WNK1: variants seen among roughly 807,000 people sequenced by gnomAD.
WNK1 encodes serine/threonine-protein kinase WNK1.
Under a neutral mutation model 222.8 loss-of-function variants are expected in WNK1, and 38 were observed. The observed-to-expected ratio is 0.17, with a 90% CI of 0.13 to 0.22. The LOEUF is 0.22. Among genes scored for constraint, WNK1 ranks in the 10% least tolerant of loss-of-function variants. WNK1 has a pLI of 1.00. For synonymous variants in WNK1, 1,090 were observed against 1,092.9 expected (o/e 1.00, Z 0.05); for missense variants, 2,348 against 2,918.4 (o/e 0.80, Z 4.50).
chr12:779,848 ACT>A (rs1278414608), intron 1 of WNK1, among the ~76,000 whole-genome samples: 1 of 150,908 alleles, frequency 6.6e-6, no homozygotes, highest in Non-Finnish European at 1.5e-5. Flanking sequence ...GATGCGAAGA[ACT>A]CTGTACTTGA....
At chr12:777,804 A>G (rs1438836759) in intron 1 of WNK1, among the ~76,000 whole-genome samples, 1 of 152,132 alleles carries the variant, frequency 6.6e-6, no homozygotes, top group African/African-American at 2.4e-5. Flanking sequence ...CTTACCACAG[A>G]CTCAGGAAAC....
intron 1 of WNK1, among the ~76,000 whole-genome samples, chr12:790,040 T>C (rs1944688967): frequency 6.6e-6 from 1 of 152,160 alleles, no homozygotes; most frequent in Admixed American, 6.6e-5. Context: ...TTGCTTTTCC[T>C]CTAGTACAAG....
Position 849,174 on chromosome 12 carries a change from A to G in WNK1, c.1312-7987A>G, listed in dbSNP as rs931847634. Among the ~76,000 whole-genome samples, 3 of 152,194 alleles carry G rather than the reference A, an allele frequency of 2.0e-5. No individual in the cohort carries two copies. In the South Asian group the frequency reaches 6.2e-4, roughly 32 times the overall value. On this transcript the variant is annotated intron_variant, in intron 4 of 27. Coordinates refer to ENST00000315939, the MANE Select transcript of WNK1 (RefSeq NM_018979.4). Reference sequence around the variant, plus strand: ...AACAAATTGTGTTGAGCCAGAGATTAGTGGTAGTTGCTTTGAGATAGCTTG... The same window carrying G: ...AACAAATTGTGTTGAGCCAGAGATTGGTGGTAGTTGCTTTGAGATAGCTTG...
Position 884,518 on chromosome 12 carries a change from A to T in WNK1, c.3845-131A>T. 1 of 1,006,332 alleles carries T rather than the reference A, an allele frequency of 9.9e-7. No homozygotes were observed. Among genetic ancestry groups the T allele is most frequent in the Non-Finnish European group, 1.5e-6 (1 of 668,516 alleles). 62.3% of individuals were successfully genotyped at this position (1,006,332 alleles called of 1,614,324 possible). ...ATTTCTGCACTTAGTACTGTTGTCTATGTTTTAAGATTACTCCATATTTTT... is the reference window on the plus strand; with the variant it reads ...ATTTCTGCACTTAGTACTGTTGTCTTTGTTTTAAGATTACTCCATATTTTT... On this transcript the variant is annotated intron_variant, in intron 18 of 27. Transcript: ENST00000315939. The surrounding 1 kb of genome is among the most constrained non-coding windows in gnomAD (Gnocchi z 5.6).
intron 1 of WNK1, among the ~76,000 whole-genome samples, chr12:763,972 G>A (rs1469516062): frequency 6.8e-6 from 1 of 147,386 alleles, no homozygotes; most frequent in Admixed American, 6.7e-5. Flanking sequence ...TTGAGTTTGA[G>A]ATTCTTATGT....
intron 1 of WNK1, among the ~76,000 whole-genome samples, chr12:761,122 T>C (rs1282789439): frequency 6.8e-6 from 1 of 147,172 alleles, no homozygotes; most frequent in Non-Finnish European, 1.5e-5. Context: ...TTTGTGATTT[T>C]TACATAAGAG....
intron 10 of WNK1, 100 bp from the exon 11 acceptor site, chr12:879,473 C>CTTT: frequency 7.2e-6 from 4 of 558,686 alleles, no homozygotes; most frequent in South Asian, 2.8e-5. Flanking sequence ...TTTTTTCCTT[C>CTTT]TTTTTGGCTA....
At chr12:902,282 G>A (rs1290142198) in intron 26 of WNK1, among the ~76,000 whole-genome samples, 2 of 152,052 alleles carry the variant, frequency 1.3e-5, no homozygotes, top group Admixed American at 6.6e-5. Flanking sequence ...CAGCCTGAGC[G>A]ACAGAGTGAG....
At chr12:796,843 C>T (rs1039446126) in intron 1 of WNK1, among the ~76,000 whole-genome samples, 1 of 151,768 alleles carries the variant, frequency 6.6e-6, no homozygotes, top group Non-Finnish European at 1.5e-5. Context: ...TCTAATTACA[C>T]TTCTCTCTGT....
intron 8 of WNK1, among the ~76,000 whole-genome samples, chr12:864,140 C>T (rs1446516629): frequency 7.7e-6 from 1 of 129,712 alleles, no homozygotes; most frequent in East Asian, 2.0e-4. Flanking sequence ...CAGCGTCTCA[C>T]TCTGTCTCCC....
intron 1 of WNK1, among the ~76,000 whole-genome samples, chr12:808,761 CTTTT>C (rs11322620): frequency 2.5e-5 from 3 of 119,364 alleles, no homozygotes; most frequent in Non-Finnish European, 1.8e-5. Flanking sequence ...GTATCTCTCT[CTTTT>C]TTTTTTTTTT....
intron 23 of WNK1, among the ~76,000 whole-genome samples, chr12:894,963 A>G (rs1954609635): frequency 6.6e-6 from 1 of 152,152 alleles, no homozygotes; most frequent in Non-Finnish European, 1.5e-5. Flanking sequence ...CCTGTTCCAA[A>G]TGTTACAGCT....
At chr12:865,861 A>G (rs1368060438) in intron 8 of WNK1, among the ~76,000 whole-genome samples, 3 of 151,976 alleles carry the variant, frequency 2.0e-5, no homozygotes, top group Non-Finnish European at 2.9e-5. Flanking sequence ...TTTTAATTTA[A>G]TCATTTATGT....
intron 1 of WNK1, among the ~76,000 whole-genome samples, chr12:755,661 A>G (rs1939902732): frequency 6.6e-6 from 1 of 152,004 alleles, no homozygotes; most frequent in African/African-American, 2.4e-5. Flanking sequence ...AAAACTGTTC[A>G]TTTTGGTCAG....
intron 2 of WNK1, among the ~76,000 whole-genome samples, chr12:823,341 G>A (rs1034944395): frequency 2.0e-5 from 3 of 152,054 alleles, no homozygotes; most frequent in Non-Finnish European, 4.4e-5. Context: ...TGGGAAATTT[G>A]TGGCCATTAT....
chr12:829,878 C>A, intron 3 of WNK1, 125 bp from the exon 4 acceptor site: 1 of 985,842 alleles, frequency 1.0e-6, no homozygotes, highest in South Asian at 1.3e-5. Flanking sequence ...TTTTCTCCCC[C>A]TTTCCTTTTT....
chr12:842,863 G>A (rs1252766744), intron 4 of WNK1, among the ~76,000 whole-genome samples: 1 of 152,186 alleles, frequency 6.6e-6, no homozygotes, highest in East Asian at 1.9e-4. Flanking sequence ...GTAAAGGTTT[G>A]AGATTCTGTC....
intron 1 of WNK1, among the ~76,000 whole-genome samples, chr12:767,221 T>C (rs1403267330): frequency 1.3e-5 from 2 of 150,358 alleles, no homozygotes; most frequent in Non-Finnish European, 3.0e-5. Context: ...TGGCAGACTT[T>C]CTGGGTTGAT....
chr12:855,290 T>G (rs997301034), intron 4 of WNK1, among the ~76,000 whole-genome samples: 3 of 152,230 alleles, frequency 2.0e-5, no homozygotes, highest in African/African-American at 7.2e-5. Flanking sequence ...TTCTCATAAA[T>G]GAAGCTTTTA....
Sources: allele counts gnomAD v4.1 joint callset (sites outside exome capture counted in the v4.1 genomes callset), GRCh38; gene constraint gnomAD v4.1.1; non-coding constraint Gnocchi (gnomAD v3.1); transcripts MANE v1.5; gene names NCBI Gene and HGNC (gene_info 2026-07-23, HGNC 2026-07-21).